PSAP: variants seen among roughly 807,000 people sequenced by gnomAD.
The protein encoded by PSAP is precursor of saposins.
A neutral mutation model predicts 66.0 loss-of-function variants in PSAP; 25 were observed. The observed-to-expected ratio is 0.38, with a 90% CI of 0.28 to 0.53. PSAP has a LOEUF of 0.53. PSAP is among the 20% of genes least tolerant of loss of function. The probability of loss-of-function intolerance (pLI) is 0.83; values close to 1 mark genes in which losing one functional copy is unlikely to be tolerated. For missense variants in PSAP, 649 were observed against 668.8 expected, an observed-to-expected ratio of 0.97 and a Z score of 0.33; for synonymous variants, 273 against 258.9, an observed-to-expected ratio of 1.05 and a Z score of -0.52.
intron 12 of PSAP, 115 bp from the exon 13 acceptor site, chr10:71,818,839 C>T: frequency 2.8e-6 from 3 of 1,071,988 alleles, no homozygotes; most frequent in Non-Finnish European, 4.3e-6. Flanking sequence ...CTCCACCACG[C>T]TCTTTCAGAA....
chr10:71,836,326 G>A (rs952550692), intron 1 of PSAP, among the ~76,000 whole-genome samples: 5 of 152,124 alleles, frequency 3.3e-5, no homozygotes, highest in South Asian at 4.1e-4. Context: ...CATGGCTGGC[G>A]CCAGCCTCAG....
intron 1 of PSAP, among the ~76,000 whole-genome samples, chr10:71,836,350 G>C (rs576652868): frequency 7.9e-5 from 12 of 152,244 alleles, no homozygotes; most frequent in African/African-American, 2.9e-4. Context: ...TAAATCTCAG[G>C]GGAGCGGTGG....
chr10:71,817,724 T>G (rs138041886), intron 13 of PSAP, among the ~76,000 whole-genome samples: 2 of 150,228 alleles, frequency 1.3e-5, no homozygotes, highest in Admixed American at 1.3e-4. Flanking sequence ...TGCAGATGAG[T>G]ACCCACGCAG....
intron 2 of PSAP, among the ~76,000 whole-genome samples, chr10:71,832,361 T>C (rs1842537399): frequency 6.6e-6 from 1 of 152,132 alleles, no homozygotes; most frequent in Non-Finnish European, 1.5e-5. Flanking sequence ...CCCAGGCATG[T>C]TAACAAGGCA....
intron 7 of PSAP, chr10:71,824,028 T>C (rs1589449065): frequency 1.6e-6 from 1 of 619,272 alleles, no homozygotes; most frequent in Non-Finnish European, 2.6e-6. Context: ...TCAGGGGAAA[T>C]GCTCTTGCAA....
At chr10:71,819,364 GA>G (rs554628061) in intron 11 of PSAP, 100 bp downstream of exon 11, 4 of 1,528,398 alleles carry the variant, frequency 2.6e-6, no homozygotes, top group Admixed American at 1.7e-5. Context: ...TCCATGCCCG[GA>G]GGCAGAAACA....
chr10:71,825,046 A>G (rs1168128877), intron 7 of PSAP, among the ~76,000 whole-genome samples: 1 of 152,210 alleles, frequency 6.6e-6, no homozygotes, highest in Non-Finnish European at 1.5e-5. Flanking sequence ...ATCTGGCTGC[A>G]ACTACTCAAC....
At chr10:71,828,790 G>T in intron 5 of PSAP, 87 bp downstream of exon 5, 1 of 1,456,702 alleles carries the variant, frequency 6.9e-7, no homozygotes, top group Non-Finnish European at 9.5e-7. Flanking sequence ...CCCAGTTTAA[G>T]AACCACACGT....
At chr10:71,850,872 C>T (rs898782355) in intron 1 of PSAP, among the ~76,000 whole-genome samples, 14 of 152,366 alleles carry the variant, frequency 9.2e-5, no homozygotes, top group African/African-American at 3.4e-4. Flanking sequence ...TCACCCACCC[C>T]CACAGTGGGA....
At chr10:71,818,041 G>A (rs186938352) in intron 13 of PSAP, among the ~76,000 whole-genome samples, 103 of 152,334 alleles carry the variant, frequency 6.8e-4, no homozygotes, top group Admixed American at 1.7e-3. Context: ...AGGGAAGCCC[G>A]GTGAGGAAGG....
intron 7 of PSAP, chr10:71,823,905 C>CA (rs768287305): frequency 2.5e-5 from 33 of 1,294,736 alleles, no homozygotes; most frequent in African/African-American, 1.1e-4. Flanking sequence ...TGCTGTTGAA[C>CA]AAAAAAACAG....
chr10:71,827,548 G>A (rs917451577), intron 6 of PSAP, among the ~76,000 whole-genome samples: 1 of 151,854 alleles, frequency 6.6e-6, no homozygotes, highest in African/African-American at 2.4e-5. Flanking sequence ...CAAACACGGT[G>A]AAACCCCATC....
In PSAP at chr10:71,851,233, A is replaced by T; in HGVS notation, c.-12T>A. On this transcript the variant is annotated 5_prime_UTR_variant, in exon 1 of 14. Coordinates refer to ENST00000394936, the MANE Select transcript of PSAP (RefSeq NM_002778.4). ...AAGAGGGCGTACATAGCGCCGTCTG[A>T]CTCCGCAGTCTGCAATGCGGAGCGT... 1 of 1,550,714 alleles carries T rather than the reference A, an allele frequency of 6.4e-7. No individual in the cohort carries two copies. The highest frequency in any genetic ancestry group is 1.2e-5 in the South Asian group (1 of 84,052).
At chr10:71,849,709 A>G (rs549785570) in intron 1 of PSAP, among the ~76,000 whole-genome samples, 4 of 151,902 alleles carry the variant, frequency 2.6e-5, no homozygotes, top group African/African-American at 9.7e-5. Flanking sequence ...GGGTCTTGCT[A>G]TGTTGCCCAG....
chr10:71,848,591 C>G (rs2133071468), intron 1 of PSAP, among the ~76,000 whole-genome samples: 1 of 152,306 alleles, frequency 6.6e-6, no homozygotes, highest in African/African-American at 2.4e-5. Flanking sequence ...GCAAGTGTCT[C>G]TACCACCAGG....
In PSAP at chr10:71,845,187, G is replaced by A. The variant is rs1842799360; in HGVS notation, c.40+5995C>T. ...GGAACATAACCCCCAAGGATAAAGA[G>A]AAAGACTATTTATTGGATACAATAT... On this transcript the variant is annotated intron_variant, in intron 1 of 13. Transcript: ENST00000394936. Among the ~76,000 whole-genome samples, 3 of 152,160 alleles carry A rather than the reference G, an allele frequency of 2.0e-5. No individual in the cohort carries two copies. The East Asian group carries it at 5.8e-4, about 29-fold the overall frequency.
Position 71,817,263 on chromosome 10 carries a change from A to G in PSAP, c.*178T>C. 4 of 750,562 alleles carry G rather than the reference A, an allele frequency of 5.3e-6. No individual in the cohort carries two copies. The highest frequency in any genetic ancestry group is 7.1e-6 in the Non-Finnish European group (3 of 420,070). 46.5% of individuals were successfully genotyped at this position (750,562 alleles called of 1,614,324 possible). A position where few individuals can be genotyped will look rare whatever the true frequency, so the allele number is the denominator to read the frequency against. On this transcript the variant is annotated 3_prime_UTR_variant, in exon 14 of 14. Transcript: ENST00000394936. ...GGGCACTGAAGCAGCTATGTCTGCC[A>G]GGGGCTAGGGGCTCCCTTGCAGACA...
intron 1 of PSAP, among the ~76,000 whole-genome samples, chr10:71,842,263 A>C (rs1842745514): frequency 6.6e-6 from 1 of 152,252 alleles, no homozygotes; most frequent in Non-Finnish European, 1.5e-5. Flanking sequence ...ATGCCCAAGC[A>C]GCTAATAATC....
In PSAP at chr10:71,817,404, A is replaced by G; in HGVS notation, c.*37T>C. The G allele has an allele frequency of 5.6e-6, 9 of 1,609,376 alleles. No individual in the cohort carries two copies. The highest frequency in any genetic ancestry group is 6.8e-6 in the Non-Finnish European group (8 of 1,175,634). ...CAGACACACAAGTAGAAAAAAACCAATGCTGTGGTTTCTGCCAAGATGGAA... is the reference window on the plus strand; with the variant it reads ...CAGACACACAAGTAGAAAAAAACCAGTGCTGTGGTTTCTGCCAAGATGGAA... On this transcript the variant is annotated 3_prime_UTR_variant, in exon 14 of 14. Transcript: ENST00000394936.
Sources: gnomAD v4.1 joint callset for allele counts (sites outside exome capture counted in the v4.1 genomes callset) on GRCh38, gnomAD v4.1.1 for gene constraint, MANE v1.5 for transcripts, NCBI Gene and HGNC (gene_info 2026-07-23, HGNC 2026-07-21) for gene names.